NEB: variants seen among roughly 807,000 people sequenced by gnomAD.
The protein encoded by NEB is nemaline myopathy type 2.
In NEB, 512 loss-of-function variants were observed where a neutral mutation model predicts 952.2. The ratio of observed to expected loss-of-function variants is 0.54; its 90% CI spans 0.50 to 0.58. The LOEUF (loss-of-function observed/expected upper bound fraction) is 0.58, where lower values mean the gene tolerates loss of function less well. Ranked by LOEUF, NEB falls within the 20% of genes least tolerant of loss-of-function variation. The pLI is 0.00. For synonymous variants in NEB, 2,900 were observed against 3,149.8 expected (o/e 0.92, Z 2.66); for missense variants, 8,428 against 9,231.1 (o/e 0.91, Z 3.56).
rs745561094 is a variant in NEB at position 151,671,195 on chromosome 2, T to G, written c.4334A>C (p.Lys1445Thr). The G allele has an allele frequency of 6.2e-7, 1 of 1,613,938 alleles. No homozygotes were observed. Among genetic ancestry groups the G allele is most frequent in the East Asian group, 2.2e-5 (1 of 44,874 alleles). The change falls in exon 38 of 182, where the codon AAG (lysine) becomes ACG (threonine). Residue 1445 changes from lysine (K) to threonine (T), a missense_variant. Around this residue, in one of 11 missense-constraint regions of NEB, gnomAD observed 2,851 missense variants for 2,791.5 expected, o/e 1.02. Coordinates refer to ENST00000397345, the MANE Select transcript of NEB (RefSeq NM_001164508.2). ...ACCAATAGGGATCCATCCGATGCCC[T>G]TCAAGAAGCTGTTATACTCGTCTTT... is the stretch of plus-strand genomic sequence containing the variant. The part of the protein sequence containing the change: ...VYKDEYNSFL[K>T]GIGWIPIGSL...
At chr2:151,730,616 GA>G (rs869176689) in intron 3 of NEB, among the ~76,000 whole-genome samples, 3,640 of 124,212 alleles carry the variant, frequency 0.029, 122 homozygotes, top group African/African-American at 0.093. Flanking sequence ...ATTTCTTAGT[GA>G]AAAAAAAAAA....
At chr2:151,505,972 C>T (rs1018967957) in intron 164 of NEB, 194 bp downstream of exon 164, 1 of 607,960 alleles carries the variant, frequency 1.6e-6, no homozygotes. Context: ...TCTAATCTCT[C>T]CCTCATGAAA....
chr2:151,651,274 AAT>A (rs2099026337), intron 52 of NEB, among the ~76,000 whole-genome samples: 1 of 152,230 alleles, frequency 6.6e-6, no homozygotes, highest in African/African-American at 2.4e-5. Flanking sequence ...TAGATGCAGA[AAT>A]ATATGTTTGG....
At chr2:151,546,497 A>G in intron 133 of NEB, 54 bp from the exon 134 acceptor site, 1 of 1,168,694 alleles carries the variant, frequency 8.6e-7, no homozygotes, top group Non-Finnish European at 1.3e-6. Context: ...AAGTCAGGAA[A>G]CACAAAAGAT....
At chr2:151,514,995 A>C in intron 157 of NEB, 67 bp from the exon 158 acceptor site, 17 of 997,166 alleles carry the variant, frequency 1.7e-5, no homozygotes, top group African/African-American at 3.3e-5. Flanking sequence ...TCTCCATCTC[A>C]GGAAGAAAAA....
chr2:151,646,316 T>C, intron 54 of NEB, 82 bp from the exon 55 acceptor site: 1 of 987,246 alleles, frequency 1.0e-6, no homozygotes. Context: ...ATTGCTGAAT[T>C]TATCTGAATT....
intron 135 of NEB, among the ~76,000 whole-genome samples, chr2:151,543,261 T>G (rs1015929691): frequency 6.6e-6 from 1 of 152,214 alleles, no homozygotes; most frequent in Non-Finnish European, 1.5e-5. Context: ...AAATAAATTC[T>G]AATCATGGAT....
In NEB at chr2:151,525,940, C is replaced by G. The variant is rs6721666; in HGVS notation, c.22161+18G>C. The G allele has an allele frequency of 0.61, 971,560 of 1,588,490 alleles. 300,328 individuals carry two copies. Among genetic ancestry groups the G allele is most frequent in the Admixed American group, 0.72 (43,006 of 59,988 alleles). ...AGTGGCATTGTTGCTGCCAAGAGAC[C>G]GGTGGTTGATCACTTACATCACTGA... On this transcript the variant is annotated intron_variant, in intron 150 of 181. Transcript: ENST00000397345.
intron 54 of NEB, 78 bp downstream of exon 54, chr2:151,650,098 C>A (rs190270930): frequency 1.5e-6 from 2 of 1,350,756 alleles, no homozygotes; most frequent in Admixed American, 3.7e-5. Flanking sequence ...TGGTTCTACT[C>A]ATTTATTAAG....
chr2:151,485,692 G>A lies in NEB; in HGVS notation c.*68C>T. Reference sequence around the variant, plus strand: ...GCTTGAGAACTTAGGTAACAGTGGAGAGTCTAAACCGAAACATTGACTGCA... The same window carrying A: ...GCTTGAGAACTTAGGTAACAGTGGAAAGTCTAAACCGAAACATTGACTGCA... On this transcript the variant is annotated 3_prime_UTR_variant, in exon 182 of 182. Coordinates refer to ENST00000397345, the MANE Select transcript of NEB (RefSeq NM_001164508.2). 2 of 1,435,448 alleles carry A rather than the reference G, an allele frequency of 1.4e-6. No homozygotes were observed. The highest frequency in any genetic ancestry group is 2.1e-5 in the Admixed American group (1 of 47,926). 88.9% of individuals were successfully genotyped at this position (1,435,448 alleles called of 1,614,324 possible).
At chr2:151,694,795 T>C (rs1195825167) in intron 18 of NEB, among the ~76,000 whole-genome samples, 166 bp from the exon 19 acceptor site, 2 of 152,242 alleles carry the variant, frequency 1.3e-5, no homozygotes, top group Non-Finnish European at 2.9e-5. Context: ...AAGCTGGAGC[T>C]ATTAATTCTC....
At chr2:151,672,037 T>C (rs950325696) in intron 37 of NEB, among the ~76,000 whole-genome samples, 1 of 152,040 alleles carries the variant, frequency 6.6e-6, no homozygotes, top group Non-Finnish European at 1.5e-5. Context: ...AATTCTTCTA[T>C]TTTTGCATTT....
chr2:151,577,016 C>T (rs188253334), intron 105 of NEB, among the ~76,000 whole-genome samples: 1 of 152,280 alleles, frequency 6.6e-6, no homozygotes, highest in Admixed American at 6.5e-5. Flanking sequence ...ATTTGAGGGA[C>T]TGCATGGAAG....
At chr2:151,629,713 G>A (rs995832157) in intron 67 of NEB, 67 bp from the exon 68 acceptor site, 13 of 1,331,610 alleles carry the variant, frequency 9.8e-6, no homozygotes, top group Non-Finnish European at 1.3e-5. Flanking sequence ...ATTATTAAGT[G>A]ACTTATATCC....
rs770678983 is a variant in NEB, at chr2:151,684,831, G to C, written c.2782C>G (p.Pro928Ala). 39 of 1,613,228 alleles carry C rather than the reference G, an allele frequency of 2.4e-5. No individual in the cohort carries two copies. Among genetic ancestry groups the C allele is most frequent in the Non-Finnish European group, 3.3e-5 (39 of 1,179,592 alleles). ...KHILHSYSYP[P>A]DSINVDLAKK... ...GCAAGGTCCACATTGATGCTATCAGGGGGGTAGCTGTAACTGTGTAAGATG... is the reference window on the plus strand; with the variant it reads ...GCAAGGTCCACATTGATGCTATCAGCGGGGTAGCTGTAACTGTGTAAGATG... Residue 928 changes from proline to alanine, a missense_variant, in exon 28 of 182, where the codon CCT (proline) becomes GCT (alanine). By Grantham distance (27) the Pro-to-Ala change is conservative (BLOSUM62 -1). Transcript: ENST00000397345.
chr2:151,549,602 T>C (rs1351588031), intron 130 of NEB, 34 bp downstream of exon 130: 2 of 1,402,224 alleles, frequency 1.4e-6, no homozygotes, highest in Non-Finnish European at 2.0e-6. Flanking sequence ...CACCCCACCT[T>C]CAGACCCATC....
chr2:151,535,631 ACT>A (rs1428462130), intron 142 of NEB, 58 bp downstream of exon 142: 10 of 1,079,244 alleles, frequency 9.3e-6, no homozygotes, highest in Non-Finnish European at 1.3e-5. Context: ...ATTTAAAAAA[ACT>A]CTGAGACTTC....
chr2:151,532,569 A>G (rs2091859900), intron 143 of NEB, among the ~76,000 whole-genome samples: 8 of 152,164 alleles, frequency 5.3e-5, no homozygotes. Flanking sequence ...AATTTCATGC[A>G]CAACTATTTG....
At chr2:151,633,609 T>C (rs763255472) in intron 65 of NEB, 45 bp downstream of exon 65, 12 of 1,558,062 alleles carry the variant, frequency 7.7e-6, no homozygotes, top group Non-Finnish European at 1.0e-5. Flanking sequence ...TCACATAGTT[T>C]AAATTATTTC....
Sources: allele counts gnomAD v4.1 joint callset (sites outside exome capture counted in the v4.1 genomes callset), GRCh38; gene constraint gnomAD v4.1.1; regional missense constraint gnomAD v4.1.1; transcripts MANE v1.5; gene names NCBI Gene and HGNC (gene_info 2026-07-23, HGNC 2026-07-21).